PPM1L: variants seen among roughly 807,000 people sequenced by gnomAD.
PPM1L encodes protein phosphatase, Mg2+/Mn2+ dependent 1L.
Under a neutral mutation model 31.4 loss-of-function variants are expected in PPM1L, and 13 were observed. The observed-to-expected ratio is 0.41, with a 90% confidence interval of 0.27 to 0.66. PPM1L has a LOEUF of 0.66. PPM1L is among the 30% of genes least tolerant of loss of function. PPM1L has a pLI of 0.29. For synonymous variants in PPM1L, 184 were observed against 175.4 expected, an observed-to-expected ratio of 1.05 and a Z score of -0.39; for missense variants, 326 against 453.7, an observed-to-expected ratio of 0.72 and a Z score of 2.56.
chr3:160,990,112 A>G (rs971194574), intron 2 of PPM1L, among the ~76,000 whole-genome samples: 2 of 152,154 alleles, frequency 1.3e-5, no homozygotes, highest in Non-Finnish European at 2.9e-5. Flanking sequence ...CTCCCGCCTC[A>G]GCCTACCAAG....
At chr3:161,000,899 G>A (rs1200338095) in intron 2 of PPM1L, among the ~76,000 whole-genome samples, 1 of 152,112 alleles carries the variant, frequency 6.6e-6, no homozygotes, top group African/African-American at 2.4e-5. Flanking sequence ...ATCCTTCAGT[G>A]ACCACATTAA....
rs190906305 is a variant in PPM1L, at chr3:161,019,316, C to G, written c.575-46087C>G. Among the ~76,000 whole-genome samples, 571 of 147,978 alleles carry G rather than the reference C, an allele frequency of 3.9e-3. 10 individuals are homozygous for G. The highest frequency in any genetic ancestry group is 5.9e-3 in the Non-Finnish European group (390 of 66,172). ...TCAAGTGATTCTCCCACCTCAACTC[C>G]CCGAGTAGCTGGGACTATAGGCATG... is the stretch of plus-strand genomic sequence containing the variant. On this transcript the variant is annotated intron_variant, in intron 2 of 3. Transcript: ENST00000498165.
chr3:160,796,702 C>T (rs1396454631), intron 1 of PPM1L, among the ~76,000 whole-genome samples: 1 of 152,194 alleles, frequency 6.6e-6, no homozygotes, highest in Non-Finnish European at 1.5e-5. Flanking sequence ...CTCCCCTTTA[C>T]TAGCTTTCTC....
At chr3:160,762,883 G>T (rs1306639748) in intron 1 of PPM1L, among the ~76,000 whole-genome samples, 2 of 152,036 alleles carry the variant, frequency 1.3e-5, no homozygotes, top group African/African-American at 4.8e-5. Flanking sequence ...CCATATTCAA[G>T]TACCCTCTGT....
At chr3:160,858,825 A>G (rs748874884) in intron 1 of PPM1L, among the ~76,000 whole-genome samples, 7 of 152,144 alleles carry the variant, frequency 4.6e-5, no homozygotes, top group Non-Finnish European at 1.0e-4. Flanking sequence ...CTCATCTATA[A>G]TAAGATGTTA....
intron 2 of PPM1L, among the ~76,000 whole-genome samples, chr3:160,995,028 C>G (rs1717262799): frequency 6.6e-6 from 1 of 152,126 alleles, no homozygotes; most frequent in Non-Finnish European, 1.5e-5. Flanking sequence ...GGTTGTAGGA[C>G]ATTTCAAATG....
At chr3:160,941,579 C>T (rs909722789) in intron 1 of PPM1L, among the ~76,000 whole-genome samples, 10 of 152,052 alleles carry the variant, frequency 6.6e-5, no homozygotes, top group African/African-American at 1.9e-4. Flanking sequence ...TTTCTCTTGC[C>T]ACTGCCATGT....
intron 2 of PPM1L, among the ~76,000 whole-genome samples, chr3:161,020,800 C>G (rs762899859): frequency 8.1e-4 from 123 of 151,978 alleles, no homozygotes; most frequent in Non-Finnish European, 1.7e-3. Flanking sequence ...TTAGGAACTT[C>G]TAAGTTTCAT....
intron 1 of PPM1L, among the ~76,000 whole-genome samples, chr3:160,944,783 T>TTATATATTATATATATATTATA (rs1304314117): frequency 3.8e-5 from 2 of 52,576 alleles, no homozygotes; most frequent in Non-Finnish European, 9.2e-5. Context: ...ATATATTATA[T>TTATATATTATATATATATTATA]TATATATGTT....
At chr3:161,014,045 G>A (rs531768390) in intron 2 of PPM1L, among the ~76,000 whole-genome samples, 103 of 152,264 alleles carry the variant, frequency 6.8e-4, no homozygotes, top group Non-Finnish European at 1.2e-3. Flanking sequence ...ATTGTTATGC[G>A]TGAATTTGAT....
Position 160,994,205 on chromosome 3 carries a change from G to A in PPM1L, c.574+32295G>A, listed in dbSNP as rs574980442. Among the ~76,000 whole-genome samples the A allele has an allele frequency of 4.6e-5, 7 of 152,140 alleles. No individual in the cohort carries two copies. In the South Asian group the frequency reaches 1.5e-3, roughly 32 times the overall value. ...ACCCTTATCAACTCCAGTGGGGAAGGCACCAAGTTGAAGAGGCTGAAGAAG... is the reference window on the plus strand; with the variant it reads ...ACCCTTATCAACTCCAGTGGGGAAGACACCAAGTTGAAGAGGCTGAAGAAG... On this transcript the variant is annotated intron_variant, in intron 2 of 3. Transcript: ENST00000498165.
At chr3:160,845,627 T>G (rs2108108624) in intron 1 of PPM1L, among the ~76,000 whole-genome samples, 1 of 152,182 alleles carries the variant, frequency 6.6e-6, no homozygotes, top group South Asian at 2.1e-4. Flanking sequence ...TTGTATAGTT[T>G]TTGCTGATAC....
rs554054984 is a variant in PPM1L at position 161,066,381 on chromosome 3, C to CA, written c.736+826dup. The stretch of plus-strand genomic sequence containing the variant: ...GAGGAATGGAGTAAATAGACATTAA[C>CA]AAAAAAAAATAGTAAAAGTAAGTCA... On this transcript the variant is annotated intron_variant, in intron 3 of 3. Coordinates refer to ENST00000498165, the MANE Select transcript of PPM1L (RefSeq NM_139245.4). Among the ~76,000 whole-genome samples, 140 of 149,794 alleles carry CA rather than the reference C, an allele frequency of 9.3e-4. 2 individuals carry two copies. The East Asian group carries it at 0.022, about 23-fold the overall frequency.
intron 1 of PPM1L, among the ~76,000 whole-genome samples, chr3:160,898,651 C>T (rs941204894): frequency 1.3e-5 from 2 of 152,134 alleles, no homozygotes; most frequent in Admixed American, 6.5e-5. Context: ...TCTGGCCCTT[C>T]TAGGGGACCA....
chr3:160,880,524 A>G (rs1712675786), intron 1 of PPM1L, among the ~76,000 whole-genome samples: 1 of 152,106 alleles, frequency 6.6e-6, no homozygotes, highest in African/African-American at 2.4e-5. Flanking sequence ...ACTGCAGTGA[A>G]GTGGGAGGTT....
At chr3:160,968,302 T>A (rs1716219747) in intron 2 of PPM1L, among the ~76,000 whole-genome samples, 1 of 152,258 alleles carries the variant, frequency 6.6e-6, no homozygotes. Context: ...CTATTAATGT[T>A]TTTATTTAAT....
At chr3:160,906,846 C>T (rs1219013631) in intron 1 of PPM1L, among the ~76,000 whole-genome samples, 4 of 152,168 alleles carry the variant, frequency 2.6e-5, no homozygotes, top group Admixed American at 2.6e-4. Flanking sequence ...CTGGGGGCCT[C>T]CCTTGGTTCC....
chr3:160,994,304 A>G (rs1576768440), intron 2 of PPM1L, among the ~76,000 whole-genome samples: 1 of 152,294 alleles, frequency 6.6e-6, no homozygotes, highest in Middle Eastern at 3.4e-3. Context: ...CAGTGGCAGC[A>G]GCCTTGGCAG....
chr3:160,999,596 G>T (rs929213362), intron 2 of PPM1L, among the ~76,000 whole-genome samples: 1 of 152,146 alleles, frequency 6.6e-6, no homozygotes. Flanking sequence ...GCTGTCAGGC[G>T]TAAACATGTT....
Sources: allele counts gnomAD v4.1 joint callset (sites outside exome capture counted in the v4.1 genomes callset), GRCh38; gene constraint gnomAD v4.1.1; transcripts MANE v1.5; gene names NCBI Gene and HGNC (gene_info 2026-07-23, HGNC 2026-07-21).